Variants in ECT2 observed in about 807,000 individuals in gnomAD.
ECT2 encodes the protein protein ECT2.
In ECT2, 61 loss-of-function variants were observed where a neutral mutation model predicts 116.9. The ratio of observed to expected loss-of-function variants is 0.52; its 90% CI spans 0.42 to 0.65. The LOEUF is 0.65. Among genes scored for constraint, ECT2 ranks in the 30% least tolerant of loss-of-function variants. The pLI, the probability that ECT2 is intolerant of heterozygous loss-of-function variation, is 0.00. For missense variants in ECT2, 937 were observed against 1,078.7 expected, an observed-to-expected ratio of 0.87 and a Z score of 1.84; for synonymous variants, 358 against 346.4, an observed-to-expected ratio of 1.03 and a Z score of -0.37.
intron 18 of ECT2, among the ~76,000 whole-genome samples, chr3:172,787,384 T>C (rs1383593178): frequency 6.6e-6 from 1 of 151,822 alleles, no homozygotes; most frequent in Non-Finnish European, 1.5e-5. Flanking sequence ...ACAGTAATGC[T>C]CAAATTAGTT....
In ECT2 at chr3:172,820,196, A is replaced by C; in HGVS notation, c.2704A>C (p.Arg902=). ...CAGCCTTCCTTCCTTCTTTGAAAGG[A>C]GAAGTCATACGTTAAGTAGATCTAC... ...LVSLPSFFER[R]SHTLSRSTTH... The change falls in exon 25 of 25, where the codon AGA becomes CGA. Residue 902 remains arginine, a synonymous_variant. Transcript: ENST00000392692. 2 of 1,610,746 alleles carry C rather than the reference A, an allele frequency of 1.2e-6. No homozygotes were observed. The highest frequency in any genetic ancestry group is 1.7e-6 in the Non-Finnish European group (2 of 1,177,982).
the ECT2 span, among the ~76,000 whole-genome samples, chr3:172,827,430 A>G: frequency 3.3e-5 from 5 of 152,236 alleles, no homozygotes; most frequent in East Asian, 9.6e-4. Flanking sequence ...TATATACACA[A>G]TGGAGTACTA....
chr3:172,795,693 T>C (rs1725515341), intron 18 of ECT2, among the ~76,000 whole-genome samples: 1 of 152,230 alleles, frequency 6.6e-6, no homozygotes, highest in African/African-American at 2.4e-5. Flanking sequence ...AAAATTTATG[T>C]AACTGTAAAT....
At chr3:172,814,667 T>A (rs1456384861) in intron 22 of ECT2, among the ~76,000 whole-genome samples, 1 of 152,120 alleles carries the variant, frequency 6.6e-6, no homozygotes, top group Admixed American at 6.6e-5. Context: ...TTTTTAAAAA[T>A]TTATTTTTAA....
chr3:172,797,397 T>G (rs1298731501), intron 18 of ECT2, among the ~76,000 whole-genome samples: 1 of 152,188 alleles, frequency 6.6e-6, no homozygotes, highest in Non-Finnish European at 1.5e-5. Context: ...TGTTACCTTT[T>G]GCTTTTTCCC....
In ECT2 at chr3:172,807,857, T is replaced by C. The variant is rs768502473; in HGVS notation, c.2333T>C (p.Leu778Pro). The C allele has an allele frequency of 7.4e-6, 12 of 1,613,828 alleles. No individual in the cohort carries two copies. The highest frequency in any genetic ancestry group is 1.6e-4 in the Middle Eastern group (1 of 6,082). ...LLSFQMTSDELPKENWLKMLC... is the reference protein window; with the variant it reads ...LLSFQMTSDEPPKENWLKMLC... The stretch of plus-strand genomic sequence containing the variant: ...AGTTTCCAGATGACATCAGATGAAC[T>C]TCCAAAAGAAAACTGGCTAAAGATG... Residue 778 changes from leucine (L) to proline (P), a missense_variant, in exon 22 of 25, where the codon CTT (leucine) becomes CCT (proline). By Grantham distance (98) the Leu-to-Pro change is moderately conservative (BLOSUM62 -3). Transcript: ENST00000392692.
At chr3:172,783,000 A>G (rs896367205) in intron 15 of ECT2, among the ~76,000 whole-genome samples, 2 of 152,116 alleles carry the variant, frequency 1.3e-5, no homozygotes, top group African/African-American at 4.8e-5. Flanking sequence ...GCTGAATTCT[A>G]CCAGATGTAC....
chr3:172,761,330 A>G (rs988404803), intron 7 of ECT2, among the ~76,000 whole-genome samples: 1 of 152,196 alleles, frequency 6.6e-6, no homozygotes, highest in Admixed American at 6.5e-5. Flanking sequence ...TCAAGGAAGT[A>G]AACGTGAAGA....
chr3:172,792,975 C>T (rs1307375257), intron 18 of ECT2, among the ~76,000 whole-genome samples: 1 of 152,084 alleles, frequency 6.6e-6, no homozygotes, highest in Non-Finnish European at 1.5e-5. Flanking sequence ...CTGCCTCGGC[C>T]TCCCAGAGTG....
At chr3:172,828,784 G>A in the ECT2 span, 3 of 664,800 alleles carry the variant, frequency 4.5e-6, no homozygotes, top group East Asian at 2.9e-5. Context: ...AACCCCCCAT[G>A]GCCTCAGACA....
chr3:172,766,790 T>A (rs1719478996), intron 12 of ECT2, among the ~76,000 whole-genome samples: 1 of 152,174 alleles, frequency 6.6e-6, no homozygotes, highest in East Asian at 1.9e-4. Context: ...GAGAGGGAGA[T>A]CATGATTAGA....
chr3:172,797,333 C>T (rs192765872), intron 18 of ECT2, among the ~76,000 whole-genome samples: 3 of 152,212 alleles, frequency 2.0e-5, no homozygotes, highest in African/African-American at 2.4e-5. Context: ...CCATGCCCTG[C>T]GGGAGGTTCA....
At chr3:172,782,284 A>G in intron 15 of ECT2, 53 bp downstream of exon 15, 2 of 1,050,156 alleles carry the variant, frequency 1.9e-6, no homozygotes, top group East Asian at 2.6e-5. Context: ...GATCTCATCA[A>G]GGACTGGCAA....
intron 20 of ECT2, 33 bp from the exon 21 acceptor site, chr3:172,805,698 A>G (rs1727552739): frequency 3.1e-6 from 5 of 1,601,966 alleles, no homozygotes; most frequent in African/African-American, 1.3e-5. Context: ...TCTTCATTTT[A>G]TTGACTGATA....
chr3:172,772,590 G>A (rs771210892), intron 13 of ECT2, among the ~76,000 whole-genome samples: 3 of 152,016 alleles, frequency 2.0e-5, no homozygotes, highest in Non-Finnish European at 2.9e-5. Flanking sequence ...AAATTCTCTC[G>A]TGTCTTTTGC....
intron 24 of ECT2, among the ~76,000 whole-genome samples, chr3:172,818,051 G>T (rs1730073097): frequency 6.6e-6 from 1 of 152,132 alleles, no homozygotes; most frequent in Non-Finnish European, 1.5e-5. Context: ...CTGGCACATT[G>T]TGAGTGCTCT....
At chr3:172,775,296 CA>C (rs1262811201) in intron 14 of ECT2, among the ~76,000 whole-genome samples, 1 of 152,032 alleles carries the variant, frequency 6.6e-6, no homozygotes, top group African/African-American at 2.4e-5. Flanking sequence ...AGGATGTTTT[CA>C]AATATATAAG....
intron 24 of ECT2, among the ~76,000 whole-genome samples, chr3:172,819,450 C>T (rs143877066): frequency 2.1e-4 from 32 of 152,064 alleles, no homozygotes; most frequent in African/African-American, 7.0e-4. Context: ...TTAATAATCA[C>T]TGTTATCCAG....
intron 13 of ECT2, among the ~76,000 whole-genome samples, chr3:172,771,764 T>C (rs1185982146): frequency 6.6e-6 from 1 of 152,074 alleles, no homozygotes; most frequent in Non-Finnish European, 1.5e-5. Context: ...TTGGGAGAGA[T>C]TTTGAAGATC....
Sources: gnomAD v4.1 joint callset for allele counts (sites outside exome capture counted in the v4.1 genomes callset) on GRCh38, gnomAD v4.1.1 for gene constraint, MANE v1.5 for transcripts, NCBI Gene and HGNC (gene_info 2026-07-23, HGNC 2026-07-21) for gene names.